EXOC6B: variants seen among roughly 807,000 people sequenced by gnomAD.
EXOC6B encodes exocyst complex component 6B.
Under a neutral mutation model 113.5 loss-of-function variants are expected in EXOC6B, and 54 were observed. The ratio of observed to expected loss-of-function variants is 0.48; its 90% CI spans 0.38 to 0.60. The LOEUF (loss-of-function observed/expected upper bound fraction) is 0.60. Among genes scored for constraint, EXOC6B ranks in the 20% least tolerant of loss-of-function variants. EXOC6B has a pLI of 0.00. For missense variants in EXOC6B, 797 were observed against 977.5 expected, an observed-to-expected ratio of 0.82 and a Z score of 2.46; for synonymous variants, 357 against 339.0, an observed-to-expected ratio of 1.05 and a Z score of -0.58.
At chr2:72,221,298 C>A (rs72910350) in intron 20 of EXOC6B, among the ~76,000 whole-genome samples, 12,810 of 152,188 alleles carry the variant, frequency 0.084, 846 homozygotes, top group African/African-American at 0.18. Context: ...GACTAAAGGA[C>A]TCTACGTTAG....
chr2:72,611,192 T>C (rs1671051006), intron 6 of EXOC6B, among the ~76,000 whole-genome samples: 1 of 151,598 alleles, frequency 6.6e-6, no homozygotes, highest in African/African-American at 2.4e-5. Flanking sequence ...CAAAACCGCG[T>C]CTCTACTAAA....
At chr2:72,410,022 A>G (rs1477346010) in intron 18 of EXOC6B, among the ~76,000 whole-genome samples, 1 of 152,200 alleles carries the variant, frequency 6.6e-6, no homozygotes, top group Non-Finnish European at 1.5e-5. Context: ...TAAAAATTGC[A>G]CACAGCTTTT....
At chr2:72,516,633 A>G (rs1701226529) in intron 8 of EXOC6B, among the ~76,000 whole-genome samples, 1 of 152,178 alleles carries the variant, frequency 6.6e-6, no homozygotes, top group Non-Finnish European at 1.5e-5. Flanking sequence ...TGACTTTGGA[A>G]CCAGAGACTA....
intron 20 of EXOC6B, among the ~76,000 whole-genome samples, chr2:72,219,483 A>T (rs997453364): frequency 1.3e-5 from 2 of 152,130 alleles, no homozygotes; most frequent in African/African-American, 2.4e-5. Context: ...TAGTATTGTC[A>T]TTCTAGTCTT....
chr2:72,603,063 C>T (rs1010967861), intron 6 of EXOC6B, among the ~76,000 whole-genome samples: 5 of 125,570 alleles, frequency 4.0e-5, no homozygotes, highest in South Asian at 5.9e-4. Context: ...AACTTGTGTA[C>T]GGACAGATGG....
chr2:72,279,236 T>G (rs1302114259), intron 20 of EXOC6B, among the ~76,000 whole-genome samples: 1 of 152,194 alleles, frequency 6.6e-6, no homozygotes, highest in Admixed American at 6.5e-5. Context: ...GACTGGATAT[T>G]CTCAGAAGTG....
intron 18 of EXOC6B, among the ~76,000 whole-genome samples, chr2:72,384,166 C>T (rs756572438): frequency 1.3e-5 from 2 of 151,776 alleles, no homozygotes; most frequent in African/African-American, 2.4e-5. Context: ...AGAAAACAAA[C>T]AAACAAAAAA....
chr2:72,708,457 C>A (rs1679035984), intron 6 of EXOC6B, among the ~76,000 whole-genome samples: 1 of 152,112 alleles, frequency 6.6e-6, no homozygotes, highest in African/African-American at 2.4e-5. Context: ...AATCACCACC[C>A]TAATCAAGAT....
In EXOC6B at chr2:72,825,976, T is replaced by G. The variant is rs1686887145; in HGVS notation, c.-66A>C. On this transcript the variant is annotated 5_prime_UTR_variant, in exon 1 of 22. Transcript: ENST00000272427. This position sits in a 1 kb window ranked among gnomAD's most constrained non-coding sequence, Gnocchi z 4.4. ...GGCTCACCTTTTCCCTGCCCCACAA[T>G]GCCGCTCCCACCACAGGCTCCACAG... is the stretch of plus-strand genomic sequence containing the variant. The G allele has an allele frequency of 1.3e-6, 2 of 1,577,280 alleles. No individual in the cohort carries two copies. Among genetic ancestry groups the G allele is most frequent in the Non-Finnish European group, 1.7e-6 (2 of 1,164,964 alleles).
chr2:72,812,053 G>T (rs557666347), intron 1 of EXOC6B, among the ~76,000 whole-genome samples: 31 of 152,192 alleles, frequency 2.0e-4, no homozygotes, highest in Non-Finnish European at 4.1e-4. Flanking sequence ...GTGAAATAAG[G>T]AAATAAAAGG....
chr2:72,595,295 C>CTA (rs1275719241), intron 6 of EXOC6B, among the ~76,000 whole-genome samples: 2,046 of 142,534 alleles, frequency 0.014, 46 homozygotes, highest in African/African-American at 0.048. Flanking sequence ...ATATATATAT[C>CTA]TATATATATA....
At chr2:72,795,825 T>C (rs1004097068) in intron 1 of EXOC6B, among the ~76,000 whole-genome samples, 1 of 151,980 alleles carries the variant, frequency 6.6e-6, no homozygotes, top group African/African-American at 2.4e-5. Context: ...TGTTTTTTGT[T>C]TGTGTGTGTG....
At chr2:72,514,737 A>T in intron 9 of EXOC6B, 57 bp from the exon 10 acceptor site, 1 of 1,049,084 alleles carries the variant, frequency 9.5e-7, no homozygotes, top group Non-Finnish European at 1.4e-6. Flanking sequence ...ATTAAGACTA[A>T]GTTAAAATCA....
At chr2:72,679,119 A>T (rs1280986028) in intron 6 of EXOC6B, among the ~76,000 whole-genome samples, 3 of 151,994 alleles carry the variant, frequency 2.0e-5, no homozygotes, top group East Asian at 3.9e-4. Flanking sequence ...CAGGCTGGAT[A>T]GTAATGGCGT....
chr2:72,776,492 C>T (rs1683708253), intron 1 of EXOC6B, among the ~76,000 whole-genome samples: 1 of 152,024 alleles, frequency 6.6e-6, no homozygotes, highest in Admixed American at 6.6e-5. Flanking sequence ...GGGCACACAC[C>T]TGTAGTCCCA....
intron 8 of EXOC6B, among the ~76,000 whole-genome samples, chr2:72,551,711 T>C (rs965324438): frequency 6.6e-6 from 1 of 151,286 alleles, no homozygotes; most frequent in African/African-American, 2.4e-5. Flanking sequence ...GGTTTCACCA[T>C]GGTCTCGATC....
At chr2:72,507,565 G>A (rs1398901544) in intron 11 of EXOC6B, among the ~76,000 whole-genome samples, 1 of 151,812 alleles carries the variant, frequency 6.6e-6, no homozygotes. Flanking sequence ...ATGTACCCCA[G>A]AACTAAAAAT....
At chr2:72,231,207 G>A (rs976961299) in intron 20 of EXOC6B, among the ~76,000 whole-genome samples, 8 of 152,024 alleles carry the variant, frequency 5.3e-5, no homozygotes, top group African/African-American at 1.4e-4. Flanking sequence ...AATAATGATA[G>A]CACTGTAAAT....
At chr2:72,756,097 G>A (rs1682395666) in intron 1 of EXOC6B, among the ~76,000 whole-genome samples, 1 of 152,046 alleles carries the variant, frequency 6.6e-6, no homozygotes, top group Non-Finnish European at 1.5e-5. Context: ...CTGTGTTGGG[G>A]CGGGGGTTGT....
Sources: gnomAD v4.1 joint callset for allele counts (sites outside exome capture counted in the v4.1 genomes callset) on GRCh38, gnomAD v4.1.1 for gene constraint, Gnocchi (gnomAD v3.1) non-coding constraint, MANE v1.5 for transcripts, NCBI Gene and HGNC (gene_info 2026-07-23, HGNC 2026-07-21) for gene names.